The following LRRK1 variants were observed in gnomAD, a reference collection of about 807,000 sequenced individuals.
LRRK1 encodes the protein leucine rich repeat kinase 1.
A neutral mutation model predicts 209.1 loss-of-function variants in LRRK1; 113 were observed. That is an observed-to-expected ratio of 0.54 (90% CI 0.46 to 0.63). The LOEUF (loss-of-function observed/expected upper bound fraction) is 0.63, where lower values mean the gene tolerates loss of function less well. Ranked by LOEUF, LRRK1 falls within the 30% of genes least tolerant of loss-of-function variation. LRRK1 has a pLI of 0.00. For synonymous variants in LRRK1, 1,144 were observed against 1,099.7 expected, an observed-to-expected ratio of 1.04 and a Z score of -0.80; for missense variants, 2,284 against 2,632.2, an observed-to-expected ratio of 0.87 and a Z score of 2.89.
chr15:100,941,398 G>C (rs1210567445), intron 2 of LRRK1, among the ~76,000 whole-genome samples: 2 of 141,806 alleles, frequency 1.4e-5, no homozygotes, highest in African/African-American at 5.8e-5. Context: ...CTCTGTGTGT[G>C]TCTGTGTGTG....
chr15:100,941,370 G>GTGTCTCTGTGTGTGTCTGTGTGTC (rs1567190876), intron 2 of LRRK1, among the ~76,000 whole-genome samples: 2,156 of 73,046 alleles, frequency 0.03, 284 homozygotes, highest in African/African-American at 0.1. Context: ...GTGTGTGCCT[G>GTGTCTCTGTGTGTGTCTGTGTGTC]TATGTGTGTG....
intron 2 of LRRK1, among the ~76,000 whole-genome samples, chr15:100,970,651 C>G (rs2030804975): frequency 6.6e-6 from 1 of 152,196 alleles, no homozygotes; most frequent in Admixed American, 6.5e-5. Context: ...ATTGCTTTGG[C>G]TATTCTAGGT....
chr15:100,990,800 C>CT (rs1033303923), intron 6 of LRRK1, among the ~76,000 whole-genome samples: 2 of 132,644 alleles, frequency 1.5e-5, no homozygotes, highest in African/African-American at 5.6e-5. Context: ...CATTATTTTT[C>CT]TTTTTTTGTT....
intron 16 of LRRK1, among the ~76,000 whole-genome samples, chr15:101,025,214 G>T (rs2033969643): frequency 6.6e-6 from 1 of 152,196 alleles, no homozygotes; most frequent in Non-Finnish European, 1.5e-5. Flanking sequence ...CAAAAGCAGA[G>T]CAGGGTTCCC....
At chr15:101,036,554 C>T (rs757689830) in intron 20 of LRRK1, among the ~76,000 whole-genome samples, 6 of 152,004 alleles carry the variant, frequency 3.9e-5, no homozygotes, top group Admixed American at 6.6e-5. Context: ...TTTCTTCTAT[C>T]TCACTGAGCT....
Position 101,069,012 on chromosome 15 carries a change from G to C in LRRK1, c.*164G>C. The C allele has an allele frequency of 1.6e-6, 1 of 630,930 alleles. No homozygotes were observed. Among genetic ancestry groups the C allele is most frequent in the Non-Finnish European group, 2.5e-6 (1 of 396,860 alleles). 39.1% of individuals were successfully genotyped at this position (630,930 alleles called of 1,614,324 possible). On this transcript the variant is annotated 3_prime_UTR_variant, in exon 34 of 34. Coordinates refer to ENST00000388948, the MANE Select transcript of LRRK1 (RefSeq NM_024652.6). ...GCTGAGAAGTTACTCGCCTGGCGGTGGCTCCAGGGTTCTCTGGTTCTCTGG... is the reference window on the plus strand; with the variant it reads ...GCTGAGAAGTTACTCGCCTGGCGGTCGCTCCAGGGTTCTCTGGTTCTCTGG...
At chr15:101,034,158 G>A (rs775504493) in intron 20 of LRRK1, among the ~76,000 whole-genome samples, 5 of 152,114 alleles carry the variant, frequency 3.3e-5, no homozygotes, top group African/African-American at 1.2e-4. Context: ...GTGGATATTA[G>A]TTCCTTGTTG....
At position 101,027,903 on chromosome 15, in the gene LRRK1, C is replaced by A. The variant is rs2034115521; in HGVS notation, c.2686+106C>A. ...TAATGAATGAGAGACCGACACCCAGCCTGCGTTTCTGCCTTCCATCCCCCT... is the reference window on the plus strand; with the variant it reads ...TAATGAATGAGAGACCGACACCCAGACTGCGTTTCTGCCTTCCATCCCCCT... On this transcript the variant is annotated intron_variant, in intron 19 of 33. Transcript: ENST00000388948. The surrounding 1 kb of genome is among the most constrained non-coding windows in gnomAD (Gnocchi z 5.1). 2.8e-6 allele frequency: 3 copies of A among 1,057,586 alleles called. No individual in the cohort carries two copies. Among genetic ancestry groups the A allele is most frequent in the African/African-American group, 1.6e-5 (1 of 62,042 alleles). 65.5% of individuals were successfully genotyped at this position (1,057,586 alleles called of 1,614,324 possible).
chr15:100,932,534 C>A (rs2042230791), intron 2 of LRRK1, among the ~76,000 whole-genome samples: 1 of 152,038 alleles, frequency 6.6e-6, no homozygotes, highest in Admixed American at 6.6e-5. Context: ...ACTGCATATG[C>A]CCCAGCAGAA....
intron 2 of LRRK1, among the ~76,000 whole-genome samples, chr15:100,967,669 A>C (rs1393257176): frequency 1.3e-5 from 2 of 152,174 alleles, no homozygotes; most frequent in Non-Finnish European, 2.9e-5. Flanking sequence ...TGTTATGAAA[A>C]ATTTCAAACA....
Position 100,919,553 on chromosome 15 carries a change from C to A in LRRK1, c.-123+102C>A, listed in dbSNP as rs2041980909. 1 of 147,616 alleles carries A rather than the reference C, an allele frequency of 6.8e-6. No individual in the cohort carries two copies. Among genetic ancestry groups the A allele is most frequent in the South Asian group, 2.1e-4 (1 of 4,830 alleles). 9.1% of individuals were successfully genotyped at this position (147,616 alleles called of 1,614,324 possible). A position where few individuals can be genotyped will look rare whatever the true frequency, so the allele number is the denominator to read the frequency against. On this transcript the variant is annotated intron_variant, in intron 1 of 33. Transcript: ENST00000388948. The surrounding 1 kb of genome is among the most constrained non-coding windows in gnomAD (Gnocchi z 5.8). Reference sequence around the variant, plus strand: ...CCCGGCGCCCGCGGGGAGCCTCGGCCTCTGCCTGCCCGCGGGCCCCTGCGC... The same window carrying A: ...CCCGGCGCCCGCGGGGAGCCTCGGCATCTGCCTGCCCGCGGGCCCCTGCGC...
At position 101,058,155 on chromosome 15, in the gene LRRK1, G is replaced by T; in HGVS notation, c.4679+14G>T. The T allele has an allele frequency of 6.2e-7, 1 of 1,613,572 alleles. No homozygotes were observed. The stretch of plus-strand genomic sequence containing the variant: ...AGAGGAGTCCAGGTAAGCTCCTGCG[G>T]GCTGCCCTGCCCCCTTTGTATTTGG... On this transcript the variant is annotated intron_variant, in intron 29 of 33. Transcript: ENST00000388948.
chr15:101,054,602 T>A (rs1261340654), intron 26 of LRRK1, among the ~76,000 whole-genome samples: 2 of 152,164 alleles, frequency 1.3e-5, no homozygotes, highest in Non-Finnish European at 2.9e-5. Context: ...AAGCCAGGAA[T>A]TCAAGACCAG....
At chr15:100,941,103 A>G (rs1371835666) in intron 2 of LRRK1, among the ~76,000 whole-genome samples, 1 of 151,242 alleles carries the variant, frequency 6.6e-6, no homozygotes, top group African/African-American at 2.4e-5. Flanking sequence ...AAACATAAAT[A>G]TTTTCTGTGT....
intron 23 of LRRK1, chr15:101,050,731 G>A (rs2035378109): frequency 6.6e-6 from 1 of 152,374 alleles, no homozygotes; most frequent in South Asian, 2.1e-4. Context: ...CCCAGGGTCT[G>A]GTCTCTGTCA....
chr15:101,049,560 T>A (rs897484), intron 22 of LRRK1, 84 bp from the exon 23 acceptor site: 1 of 1,522,782 alleles, frequency 6.6e-7, no homozygotes, highest in Non-Finnish European at 8.9e-7. Flanking sequence ...CGGGGGTTGG[T>A]TCCTGTCCCT....
At chr15:100,920,361 G>A (rs1052186381) in intron 1 of LRRK1, 1 of 152,204 alleles carries the variant, frequency 6.6e-6, no homozygotes, top group Non-Finnish European at 1.5e-5. Context: ...GACATTAAAG[G>A]GATAGCTAGA....
intron 2 of LRRK1, among the ~76,000 whole-genome samples, chr15:100,963,746 G>A (rs1376735911): frequency 6.6e-6 from 1 of 152,128 alleles, no homozygotes; most frequent in Non-Finnish European, 1.5e-5. Context: ...CTGCCCTCCC[G>A]CTTTCTGAAA....
chr15:101,006,835 T>G (rs1256872532), intron 6 of LRRK1, among the ~76,000 whole-genome samples: 1 of 152,254 alleles, frequency 6.6e-6, no homozygotes, highest in African/African-American at 2.4e-5. Flanking sequence ...TGTGTCCTAG[T>G]GCAACTTTTC....
Sources: allele counts gnomAD v4.1 joint callset (sites outside exome capture counted in the v4.1 genomes callset), GRCh38; gene constraint gnomAD v4.1.1; non-coding constraint Gnocchi (gnomAD v3.1); transcripts MANE v1.5; gene names NCBI Gene and HGNC (gene_info 2026-07-23, HGNC 2026-07-21).